The following ATCAY variants were observed in gnomAD, a reference collection of about 807,000 sequenced individuals.
The protein encoded by ATCAY is caytaxin.
A neutral mutation model predicts 47.7 loss-of-function variants in ATCAY; 22 were observed. That is an observed-to-expected ratio of 0.46 (90% CI 0.33 to 0.66). ATCAY has a LOEUF of 0.66. Ranked by LOEUF, ATCAY falls within the 30% of genes least tolerant of loss-of-function variation. ATCAY has a pLI of 0.02. For missense variants in ATCAY, 452 were observed against 515.0 expected, an observed-to-expected ratio of 0.88 and a Z score of 1.18; for synonymous variants, 216 against 207.6, an observed-to-expected ratio of 1.04 and a Z score of -0.35.
Position 3,924,591 on chromosome 19 carries a change from G to A in ATCAY, c.1115G>A (p.Ter372=). 6.2e-7 allele frequency: 1 copy of A among 1,613,706 alleles called. No homozygotes were observed. The highest frequency in any genetic ancestry group is 1.1e-5 in the South Asian group (1 of 91,068). The change falls in exon 13 of 13, where the codon TGA becomes TAA. Residue 372 remains the stop codon, a stop_retained_variant. Coordinates refer to ENST00000450849, the MANE Select transcript of ATCAY (RefSeq NM_033064.5). ...TGTCTTTCCCTCCCTAGCATGTCCT[G>A]AGGCGACGTGAGCATAACAAAGGAC... The part of the protein sequence containing the change: ...VSEDQETSMS[*]
In ATCAY at chr19:3,925,410, G is replaced by A. The variant is rs1170249614; in HGVS notation, c.*818G>A. ...GCTCCCCCAACCCAGCGTCAGGCTG[G>A]GACACGCCAACGCTGTTCCGGGTTG... On this transcript the variant is annotated 3_prime_UTR_variant, in exon 13 of 13. Transcript: ENST00000450849. The surrounding 1 kb of genome is among the most constrained non-coding windows in gnomAD (Gnocchi z 4.4). 1 of 152,238 alleles carries A rather than the reference G, an allele frequency of 6.6e-6. No individual in the cohort carries two copies. Among genetic ancestry groups the A allele is most frequent in the Non-Finnish European group, 1.5e-5 (1 of 68,058 alleles). 9.4% of individuals were successfully genotyped at this position (152,238 alleles called of 1,614,324 possible).
At chr19:3,906,653 G>C (rs1258261785) in intron 4 of ATCAY, among the ~76,000 whole-genome samples, 1 of 151,988 alleles carries the variant, frequency 6.6e-6, no homozygotes, top group African/African-American at 2.4e-5. Flanking sequence ...GAATTTTTCT[G>C]CAGAACGTGG....
rs768227102 is a variant in ATCAY at position 3,902,489 on chromosome 19, C to T, written c.80C>T (p.Pro27Leu). 2.5e-6 allele frequency: 4 copies of T among 1,575,190 alleles called. No homozygotes were observed. The highest frequency in any genetic ancestry group is 3.4e-6 in the Non-Finnish European group (4 of 1,160,276). ...CCTGTTCCTGGATGGGTCCGCAGGCCACTCCCAGAAGAGACGGGGGTGGAA... is the reference window on the plus strand; with the variant it reads ...CCTGTTCCTGGATGGGTCCGCAGGCTACTCCCAGAAGAGACGGGGGTGGAA... ...EEWQDEDLPR[P>L]LPEETGVELL... The change falls in exon 3 of 13, where the codon CCA becomes CTA. Residue 27 changes from proline to leucine, a missense_variant and splice_region_variant. Coordinates refer to ENST00000450849, the MANE Select transcript of ATCAY (RefSeq NM_033064.5).
At position 3,907,517 on chromosome 19, in the gene ATCAY, G is replaced by C. The variant is rs2038871831; in HGVS notation, c.359-217G>C. On this transcript the variant is annotated intron_variant, in intron 4 of 12. Transcript: ENST00000450849. This position sits in a 1 kb window ranked among gnomAD's most constrained non-coding sequence, Gnocchi z 5.1. ...GCCCTGGGAGGCCAGCAAAGGGAAT[G>C]TCCAGAAAGGCTTCCTGGAGGAGGC... 6.6e-6 allele frequency among the ~76,000 whole-genome samples: 1 copy of C among 152,238 alleles called. No individual in the cohort carries two copies. The highest frequency in any genetic ancestry group is 6.5e-5 in the Admixed American group (1 of 15,272).
At chr19:3,919,893 T>C (rs1348364274) in intron 11 of ATCAY, among the ~76,000 whole-genome samples, 1 of 152,358 alleles carries the variant, frequency 6.6e-6, no homozygotes, top group South Asian at 2.1e-4. Flanking sequence ...AGCAACATTA[T>C]TGGCTTCATT....
At chr19:3,884,469 G>A (rs2145217851) in intron 1 of ATCAY, among the ~76,000 whole-genome samples, 1 of 152,158 alleles carries the variant, frequency 6.6e-6, no homozygotes, top group South Asian at 2.1e-4. Flanking sequence ...AGATAGCGAT[G>A]GGTTAGAGCC....
chr19:3,898,178 T>A (rs568525897), intron 2 of ATCAY, among the ~76,000 whole-genome samples: 22 of 148,322 alleles, frequency 1.5e-4, no homozygotes, highest in Non-Finnish European at 3.2e-4. Context: ...AAACATCTCT[T>A]TTTTTTTTCT....
At chr19:3,883,320 C>T (rs577367687) in intron 1 of ATCAY, among the ~76,000 whole-genome samples, 27 of 151,800 alleles carry the variant, frequency 1.8e-4, no homozygotes, top group Middle Eastern at 6.8e-3. Context: ...CTAGCCTGGG[C>T]GACAGAGCGA....
At chr19:3,890,798 AC>A (rs1204501966) in intron 2 of ATCAY, among the ~76,000 whole-genome samples, 3 of 152,124 alleles carry the variant, frequency 2.0e-5, no homozygotes, top group Non-Finnish European at 2.9e-5. Context: ...CCTGGCCCCC[AC>A]GAGCTACGCC....
chr19:3,924,273 G>A lies in ATCAY; in HGVS notation c.1107-310G>A, dbSNP rs867792466. 7.6e-5 allele frequency among the ~76,000 whole-genome samples: 10 copies of A among 130,822 alleles called. No individual in the cohort carries two copies. In the East Asian group the frequency reaches 1.2e-3, roughly 16 times the overall value. 85.8% of individuals were successfully genotyped at this position (130,822 alleles called of 152,430 possible). Reference sequence around the variant, plus strand: ...GATGGATGGATGGATGGATGGATGGGTGGATGGATAGATGTGTGGGTGGTT... The same window carrying A: ...GATGGATGGATGGATGGATGGATGGATGGATGGATAGATGTGTGGGTGGTT... On this transcript the variant is annotated intron_variant, in intron 12 of 12. Transcript: ENST00000450849.
At chr19:3,896,144 G>A (rs2038767616) in intron 2 of ATCAY, among the ~76,000 whole-genome samples, 1 of 151,950 alleles carries the variant, frequency 6.6e-6, no homozygotes, top group African/African-American at 2.4e-5. Context: ...GAGCCCCTGC[G>A]CCCAGTCTGA....
At chr19:3,881,926 A>C (rs1258546044) in intron 1 of ATCAY, among the ~76,000 whole-genome samples, 2 of 114,492 alleles carry the variant, frequency 1.7e-5, no homozygotes, top group Non-Finnish European at 3.2e-5. Context: ...GCTGCGTGTT[A>C]CTGTCCCTCC....
intron 9 of ATCAY, among the ~76,000 whole-genome samples, chr19:3,915,217 G>A (rs2038956421): frequency 6.6e-6 from 1 of 152,050 alleles, no homozygotes; most frequent in South Asian, 2.1e-4. Context: ...TTGTTGCCCA[G>A]GCTGGAGTGC....
At chr19:3,898,972 G>A (rs1038794124) in intron 2 of ATCAY, among the ~76,000 whole-genome samples, 5 of 152,148 alleles carry the variant, frequency 3.3e-5, no homozygotes, top group African/African-American at 7.2e-5. Flanking sequence ...GAGCCACCGC[G>A]CCTGGCCGTC....
chr19:3,890,800 G>A (rs1247609227), intron 2 of ATCAY, among the ~76,000 whole-genome samples: 7 of 152,148 alleles, frequency 4.6e-5, no homozygotes, highest in African/African-American at 1.7e-4. Context: ...TGGCCCCCAC[G>A]AGCTACGCCT....
At chr19:3,905,792 T>A (rs1032241078) in intron 4 of ATCAY, 137 bp downstream of exon 4, 9 of 710,220 alleles carry the variant, frequency 1.3e-5, no homozygotes, top group Non-Finnish European at 1.6e-5. Flanking sequence ...ACCCAGGAGA[T>A]CAAGACTGCA....
chr19:3,909,262 G>T (rs551404573), intron 6 of ATCAY, among the ~76,000 whole-genome samples: 1 of 148,268 alleles, frequency 6.7e-6, no homozygotes, highest in East Asian at 2.0e-4. Flanking sequence ...CTCAATAAAA[G>T]AGTAACTGCC....
At chr19:3,899,192 T>C (rs2038793518) in intron 2 of ATCAY, among the ~76,000 whole-genome samples, 1 of 152,008 alleles carries the variant, frequency 6.6e-6, no homozygotes, top group South Asian at 2.1e-4. Context: ...GCAAAAACAT[T>C]TGATGAATAG....
Position 3,885,993 on chromosome 19 carries a change from G to T in ATCAY, c.77+149G>T, listed in dbSNP as rs2038649025. 2.1e-5 allele frequency: 16 copies of T among 757,936 alleles called. No homozygotes were observed. The South Asian group carries it at 2.6e-4, about 12-fold the overall frequency. 47.0% of individuals were successfully genotyped at this position (757,936 alleles called of 1,614,324 possible). ...CGCGTCCTCCTCTCCCGCACACTCT[G>T]GGAGGCCTGAGGCCCTGTGTGCGAG... On this transcript the variant is annotated intron_variant, in intron 2 of 12. Coordinates refer to ENST00000450849, the MANE Select transcript of ATCAY (RefSeq NM_033064.5).
Sources: allele counts gnomAD v4.1 joint callset (sites outside exome capture counted in the v4.1 genomes callset), GRCh38; gene constraint gnomAD v4.1.1; non-coding constraint Gnocchi (gnomAD v3.1); transcripts MANE v1.5; gene names NCBI Gene and HGNC (gene_info 2026-07-23, HGNC 2026-07-21).